Variants in PCNX1 observed in about 807,000 individuals in gnomAD.
PCNX1 encodes the protein pecanex-like protein 1.
Under a neutral mutation model 242.2 loss-of-function variants are expected in PCNX1, and 78 were observed. The observed-to-expected ratio is 0.32, with a 90% CI of 0.27 to 0.39. The LOEUF (loss-of-function observed/expected upper bound fraction) is 0.39. Among genes scored for constraint, PCNX1 ranks in the 10% least tolerant of loss-of-function variants. The pLI is 1.00. For missense variants in PCNX1, 2,581 were observed against 2,856.5 expected (o/e 0.90, Z 2.20); for synonymous variants, 1,024 against 1,032.9 (o/e 0.99, Z 0.17).
intron 14 of PCNX1, 106 bp from the exon 15 acceptor site, chr14:71,026,666 T>C (rs989641811): frequency 2.8e-5 from 14 of 497,446 alleles, no homozygotes; most frequent in African/African-American, 2.0e-4. Context: ...AAAAATTGCT[T>C]AGTAGTTTAT....
At chr14:70,916,502 A>G (rs1271483628) in intron 1 of PCNX1, among the ~76,000 whole-genome samples, 3 of 152,242 alleles carry the variant, frequency 2.0e-5, no homozygotes, top group Admixed American at 6.5e-5. Flanking sequence ...GAATATTGCA[A>G]TAAAATGAGT....
At chr14:71,002,795 T>C (rs9323556) in intron 8 of PCNX1, among the ~76,000 whole-genome samples, 84,299 of 151,978 alleles carry the variant, frequency 0.55, 24,692 homozygotes, top group East Asian at 0.74. Context: ...TTTTGGCTGT[T>C]GTGAATAAAA....
At chr14:71,083,351 A>G (rs1269423240) in intron 28 of PCNX1, among the ~76,000 whole-genome samples, 1 of 151,980 alleles carries the variant, frequency 6.6e-6, no homozygotes, top group Non-Finnish European at 1.5e-5. Context: ...CTTCTTAAGG[A>G]GTACCTTTGT....
At chr14:71,017,872 G>A (rs1308984773) in intron 11 of PCNX1, among the ~76,000 whole-genome samples, 1 of 152,170 alleles carries the variant, frequency 6.6e-6, no homozygotes, top group African/African-American at 2.4e-5. Context: ...AATGTATTAA[G>A]TACAAAGATG....
rs746244454 is a variant in PCNX1 at position 71,111,017 on chromosome 14, G to A, written c.*1082G>A. The stretch of plus-strand genomic sequence containing the variant: ...TTTTTTTTCAAATAAAAGTATCCAA[G>A]TGGTGCAGTTATTATTATATCCCTC... On this transcript the variant is annotated 3_prime_UTR_variant, in exon 36 of 36. Transcript: ENST00000304743. 5 of 150,634 alleles carry A rather than the reference G, an allele frequency of 3.3e-5. No homozygotes were observed. The highest frequency in any genetic ancestry group is 6.9e-5 in the Admixed American group (1 of 14,506). The allele number at this position is 150,634 out of a possible 1,614,324, so 9.3% of individuals were successfully genotyped here. A position where few individuals can be genotyped will look rare whatever the true frequency, so the allele number is the denominator to read the frequency against.
chr14:70,985,359 C>A (rs12432180), intron 6 of PCNX1, among the ~76,000 whole-genome samples: 2 of 152,002 alleles, frequency 1.3e-5, no homozygotes, highest in East Asian at 1.9e-4. Context: ...AGATTACAGG[C>A]GCCTGCCACC....
intron 1 of PCNX1, among the ~76,000 whole-genome samples, chr14:70,913,490 A>G (rs1323669986): frequency 2.0e-5 from 3 of 152,244 alleles, no homozygotes; most frequent in Non-Finnish European, 4.4e-5. Context: ...GTGGTTATAC[A>G]TACATACATG....
intron 1 of PCNX1, among the ~76,000 whole-genome samples, chr14:70,931,622 T>G (rs1488142850): frequency 2.0e-5 from 3 of 152,372 alleles, no homozygotes; most frequent in Middle Eastern, 6.8e-3. Context: ...CAGATTTTTT[T>G]GGTATTATTT....
chr14:70,979,517 A>C (rs894851079), intron 6 of PCNX1, among the ~76,000 whole-genome samples: 1 of 149,046 alleles, frequency 6.7e-6, no homozygotes, highest in Admixed American at 6.7e-5. Flanking sequence ...ATAGAATCAG[A>C]AAAATCAGGT....
chr14:71,076,353 A>T lies in PCNX1; in HGVS notation c.5271A>T (p.Ile1757=), dbSNP rs1188725400. Residue 1757 remains isoleucine (I), a synonymous_variant, in exon 28 of 36, where the codon ATA becomes ATT. Coordinates refer to ENST00000304743, the MANE Select transcript of PCNX1 (RefSeq NM_014982.3). The part of the protein sequence containing the change: ...DEDYDHRLAG[I]SRESFCVIYL... ...ACTATGACCACCGACTGGCAGGCAT[A>T]TCTAGGGAGAGTTTCTGTGTGATTT... The T allele has an allele frequency of 6.2e-7, 1 of 1,614,006 alleles. No homozygotes were observed. Among genetic ancestry groups the T allele is most frequent in the Non-Finnish European group, 8.5e-7 (1 of 1,179,888 alleles).
At chr14:71,070,133 G>A (rs1227689256) in intron 26 of PCNX1, among the ~76,000 whole-genome samples, 7 of 152,124 alleles carry the variant, frequency 4.6e-5, no homozygotes, top group African/African-American at 1.4e-4. Context: ...GAAACAACGC[G>A]TCAGCTCTTT....
chr14:70,933,724 T>G (rs538004313), intron 1 of PCNX1, among the ~76,000 whole-genome samples: 2 of 152,138 alleles, frequency 1.3e-5, no homozygotes, highest in South Asian at 2.1e-4. Flanking sequence ...ATGAGAAGAA[T>G]AATAGAGCCA....
At chr14:70,940,045 G>T (rs972574071) in intron 1 of PCNX1, among the ~76,000 whole-genome samples, 2 of 152,162 alleles carry the variant, frequency 1.3e-5, no homozygotes, top group Admixed American at 6.5e-5. Context: ...TGGGTCTCCT[G>T]AATGCAGCGC....
At chr14:70,957,056 T>G (rs2140424813) in intron 2 of PCNX1, among the ~76,000 whole-genome samples, 1 of 152,152 alleles carries the variant, frequency 6.6e-6, no homozygotes, top group Admixed American at 6.6e-5. Context: ...AGTGCAGTGG[T>G]GCAATCATAG....
chr14:71,019,244 A>G, intron 12 of PCNX1, 82 bp downstream of exon 12: 3 of 1,059,518 alleles, frequency 2.8e-6, no homozygotes, highest in Non-Finnish European at 4.1e-6. Flanking sequence ...ACTGAATTAT[A>G]GTAAGATAAT....
At chr14:70,955,211 A>G (rs1425472675) in intron 2 of PCNX1, among the ~76,000 whole-genome samples, 2 of 152,232 alleles carry the variant, frequency 1.3e-5, no homozygotes, top group Non-Finnish European at 2.9e-5. Flanking sequence ...ACATTTGAAG[A>G]AAGATCATGG....
chr14:70,948,883 GTATA>G (rs979248396), intron 2 of PCNX1, among the ~76,000 whole-genome samples: 1 of 146,472 alleles, frequency 6.8e-6, no homozygotes, highest in Non-Finnish European at 1.5e-5. Flanking sequence ...ATAGATATGT[GTATA>G]TATACACACA....
chr14:70,937,284 T>G (rs1376328959), intron 1 of PCNX1, among the ~76,000 whole-genome samples: 3 of 152,226 alleles, frequency 2.0e-5, no homozygotes, highest in African/African-American at 7.2e-5. Context: ...ATTTAAATCT[T>G]TAATCCATCT....
chr14:71,059,418 C>T (rs1464878809), intron 26 of PCNX1, among the ~76,000 whole-genome samples: 1 of 152,010 alleles, frequency 6.6e-6, no homozygotes, highest in Non-Finnish European at 1.5e-5. Flanking sequence ...GGGTCTCGCT[C>T]TGTCACCCAG....
Sources: gnomAD v4.1 joint callset for allele counts (sites outside exome capture counted in the v4.1 genomes callset) on GRCh38, gnomAD v4.1.1 for gene constraint, MANE v1.5 for transcripts, NCBI Gene and HGNC (gene_info 2026-07-23, HGNC 2026-07-21) for gene names.